TMEM132C: variants seen among roughly 807,000 people sequenced by gnomAD.
TMEM132C encodes the protein protein phosphatase 1, regulatory subunit 152.
Under a neutral mutation model 61.4 loss-of-function variants are expected in TMEM132C, and 29 were observed. That is an observed-to-expected ratio of 0.47 (90% CI 0.35 to 0.64). The LOEUF (loss-of-function observed/expected upper bound fraction) is 0.64, where lower values mean the gene tolerates loss of function less well. Among genes scored for constraint, TMEM132C ranks in the 30% least tolerant of loss-of-function variants. TMEM132C has a pLI of 0.00. For synonymous variants in TMEM132C, 656 were observed against 633.1 expected (o/e 1.04, Z -0.54); for missense variants, 1,408 against 1,476.9 (o/e 0.95, Z 0.76).
chr12:128,559,274 A>C (rs758953418), intron 3 of TMEM132C, among the ~76,000 whole-genome samples: 9 of 152,152 alleles, frequency 5.9e-5, no homozygotes, highest in Non-Finnish European at 1.2e-4. Flanking sequence ...TAGTACATAA[A>C]GTTCTTTATT....
At chr12:128,316,929 A>G (rs181600263) in intron 1 of TMEM132C, among the ~76,000 whole-genome samples, 2 of 152,272 alleles carry the variant, frequency 1.3e-5, no homozygotes, top group East Asian at 3.9e-4. Context: ...CACCACCCGC[A>G]ACTAAAGCTG....
intron 1 of TMEM132C, among the ~76,000 whole-genome samples, chr12:128,408,649 G>A (rs1868401331): frequency 1.3e-5 from 2 of 152,122 alleles, no homozygotes; most frequent in South Asian, 4.1e-4. Context: ...ACCTCGGCAG[G>A]GCCTTTTGTG....
rs148560741 is a variant in TMEM132C at position 128,500,370 on chromosome 12, T to C, written c.975-43587T>C. On this transcript the variant is annotated intron_variant, in intron 2 of 8. Transcript: ENST00000435159. The stretch of plus-strand genomic sequence containing the variant: ...CAGATTTCATTAAAATTTTTTTAAT[T>C]GTTCTTCCAAGAACCCTATCAAGAA... 7.3e-3 allele frequency among the ~76,000 whole-genome samples: 1,116 copies of C among 152,208 alleles called. 14 individuals carry two copies. The highest frequency in any genetic ancestry group is 0.026 in the African/African-American group (1,069 of 41,502).
intron 4 of TMEM132C, among the ~76,000 whole-genome samples, chr12:128,668,305 G>A (rs1210416566): frequency 6.6e-6 from 1 of 150,968 alleles, no homozygotes; most frequent in Non-Finnish European, 1.5e-5. Context: ...GAGATGAAGG[G>A]GGAAAAAAGA....
At chr12:128,701,642 G>A (rs1039034052) in intron 8 of TMEM132C, among the ~76,000 whole-genome samples, 9 of 152,228 alleles carry the variant, frequency 5.9e-5, no homozygotes, top group Non-Finnish European at 1.0e-4. Flanking sequence ...CCAAACAAGC[G>A]TTGGACATTC....
intron 4 of TMEM132C, among the ~76,000 whole-genome samples, chr12:128,643,017 T>C (rs1200338542): frequency 2.6e-5 from 4 of 152,226 alleles, no homozygotes; most frequent in South Asian, 2.1e-4. Flanking sequence ...CTTATCATTG[T>C]AGCGATCTCT....
chr12:128,611,510 C>T (rs1293334301), intron 3 of TMEM132C, among the ~76,000 whole-genome samples: 1 of 152,186 alleles, frequency 6.6e-6, no homozygotes, highest in Non-Finnish European at 1.5e-5. Context: ...GCCCCATGCC[C>T]ACTGCTGTCT....
At chr12:128,680,006 T>C (rs1954621423) in intron 5 of TMEM132C, among the ~76,000 whole-genome samples, 1 of 151,850 alleles carries the variant, frequency 6.6e-6, no homozygotes, top group Non-Finnish European at 1.5e-5. Flanking sequence ...GGCCCCAGGG[T>C]ATGAACAGGC....
intron 5 of TMEM132C, among the ~76,000 whole-genome samples, chr12:128,683,600 G>A (rs185744104): frequency 3.0e-4 from 45 of 152,272 alleles, no homozygotes; most frequent in Non-Finnish European, 1.3e-4. Flanking sequence ...CCTGTAAAAT[G>A]GTTTGTGTGA....
At chr12:128,654,939 C>G (rs74707677) in intron 4 of TMEM132C, among the ~76,000 whole-genome samples, 2,837 of 152,308 alleles carry the variant, frequency 0.019, 85 homozygotes, top group African/African-American at 0.066. Context: ...GAAGCCTCCT[C>G]TCTCCTCTGT....
At chr12:128,396,135 A>T (rs1874946900) in intron 1 of TMEM132C, among the ~76,000 whole-genome samples, 1 of 152,126 alleles carries the variant, frequency 6.6e-6, no homozygotes, top group African/African-American at 2.4e-5. Flanking sequence ...CTGTGGGGGA[A>T]AAAACTACAA....
At chr12:128,694,105 AC>A in intron 6 of TMEM132C, 71 bp downstream of exon 6, 2 of 1,466,394 alleles carry the variant, frequency 1.4e-6, no homozygotes, top group Non-Finnish European at 1.9e-6. Context: ...ACACTAAAGG[AC>A]CCAATGCTTA....
chr12:128,457,339 C>T (rs1256709208), intron 2 of TMEM132C, among the ~76,000 whole-genome samples: 4 of 150,390 alleles, frequency 2.7e-5, no homozygotes, highest in Non-Finnish European at 4.4e-5. Context: ...TTTGGGAGGC[C>T]GAGGCAGGCA....
chr12:128,293,108 G>A (rs924116846), intron 1 of TMEM132C, among the ~76,000 whole-genome samples: 1 of 152,144 alleles, frequency 6.6e-6, no homozygotes, highest in Non-Finnish European at 1.5e-5. Flanking sequence ...ATCTGAACCT[G>A]TAGTGTCTCC....
intron 5 of TMEM132C, among the ~76,000 whole-genome samples, chr12:128,669,916 A>G (rs553956810): frequency 7.4e-4 from 112 of 152,350 alleles, no homozygotes; most frequent in African/African-American, 2.7e-3. Context: ...GGTTCTTGCC[A>G]TTACTTTTAA....
At chr12:128,299,705 G>A (rs1193367) in intron 1 of TMEM132C, among the ~76,000 whole-genome samples, 1 of 151,970 alleles carries the variant, frequency 6.6e-6, no homozygotes, top group South Asian at 2.1e-4. Context: ...TGTATAGCTT[G>A]GTCACCTTAA....
At chr12:128,526,082 A>G (rs961633984) in intron 2 of TMEM132C, among the ~76,000 whole-genome samples, 1 of 152,220 alleles carries the variant, frequency 6.6e-6, no homozygotes, top group Non-Finnish European at 1.5e-5. Context: ...CAGGGAAGTC[A>G]CCTGGTAAGT....
intron 1 of TMEM132C, among the ~76,000 whole-genome samples, chr12:128,380,955 C>A (rs1372127416): frequency 6.6e-6 from 1 of 152,178 alleles, no homozygotes; most frequent in African/African-American, 2.4e-5. Flanking sequence ...TGATTGAATG[C>A]AGGTGTTGTC....
chr12:128,675,612 A>G (rs1027087878), intron 5 of TMEM132C, among the ~76,000 whole-genome samples: 5 of 152,272 alleles, frequency 3.3e-5, no homozygotes, highest in African/African-American at 1.2e-4. Flanking sequence ...TCACAGTTTC[A>G]GTCTCTCTCT....
Sources: gnomAD v4.1 joint callset for allele counts (sites outside exome capture counted in the v4.1 genomes callset) on GRCh38, gnomAD v4.1.1 for gene constraint, MANE v1.5 for transcripts, NCBI Gene and HGNC (gene_info 2026-07-23, HGNC 2026-07-21) for gene names.